WWOX: variants seen among roughly 807,000 people sequenced by gnomAD.
WWOX encodes the protein WW domain-containing oxidoreductase.
In WWOX, 69 loss-of-function variants were observed where a neutral mutation model predicts 46.2. The ratio of observed to expected loss-of-function variants is 1.49; its 90% CI spans 1.23 to 1.82. WWOX has a LOEUF of 1.82. Among genes scored for constraint, WWOX ranks in the 40% most tolerant of loss-of-function variants. The pLI, the probability that WWOX is intolerant of heterozygous loss-of-function variation, is 0.00. For missense variants in WWOX, 919 were observed against 542.6 expected, an observed-to-expected ratio of 1.69 and a Z score of -6.89; for synonymous variants, 359 against 202.6, an observed-to-expected ratio of 1.77 and a Z score of -6.56.
chr16:78,666,566 C>A (rs967158325), intron 8 of WWOX, among the ~76,000 whole-genome samples: 1 of 152,202 alleles, frequency 6.6e-6, no homozygotes, highest in Non-Finnish European at 1.5e-5. Context: ...GGGGTACTGC[C>A]TTAAGAAATA....
At chr16:78,424,778 T>C in intron 6 of WWOX, 92 bp from the exon 7 acceptor site, 2 of 1,395,830 alleles carry the variant, frequency 1.4e-6, no homozygotes, top group African/African-American at 2.9e-5. Flanking sequence ...TTGTAGTGTT[T>C]ATGTCCACAT....
chr16:78,909,057 G>A (rs941160577), intron 8 of WWOX, among the ~76,000 whole-genome samples: 5 of 152,156 alleles, frequency 3.3e-5, no homozygotes, highest in East Asian at 1.9e-4. Context: ...AAGTTAAACC[G>A]TAAACTAAGT....
intron 8 of WWOX, among the ~76,000 whole-genome samples, chr16:79,050,263 T>G (rs1567514961): frequency 6.6e-6 from 1 of 152,146 alleles, no homozygotes; most frequent in Non-Finnish European, 1.5e-5. Context: ...TCAGCTTGTT[T>G]TGCTCCTGCA....
chr16:78,365,077 T>A (rs958330279), intron 5 of WWOX, among the ~76,000 whole-genome samples: 4 of 152,178 alleles, frequency 2.6e-5, no homozygotes, highest in African/African-American at 9.7e-5. Flanking sequence ...CCAACTAGTT[T>A]ATGAGCTTAA....
chr16:79,179,648 A>G (rs1291712252), intron 8 of WWOX, among the ~76,000 whole-genome samples: 1 of 152,180 alleles, frequency 6.6e-6, no homozygotes, highest in East Asian at 1.9e-4. Flanking sequence ...CTTCCATTGT[A>G]TTTGAGCCAC....
At chr16:78,403,148 G>A (rs2082451699) in intron 6 of WWOX, among the ~76,000 whole-genome samples, 1 of 152,170 alleles carries the variant, frequency 6.6e-6, no homozygotes, top group Non-Finnish European at 1.5e-5. Context: ...TGCATGAGAT[G>A]TTTTATTTTT....
intron 8 of WWOX, among the ~76,000 whole-genome samples, chr16:78,950,518 A>G (rs1304934011): frequency 2.1e-5 from 2 of 95,590 alleles, no homozygotes; most frequent in East Asian, 6.1e-4. Flanking sequence ...TATTAAAGGA[A>G]CACACACACA....
At chr16:78,250,425 G>T (rs12924976) in intron 5 of WWOX, among the ~76,000 whole-genome samples, 2,929 of 147,270 alleles carry the variant, frequency 0.02, 38 homozygotes, top group Middle Eastern at 0.031. Flanking sequence ...TTTTTTTTTT[G>T]GCAAGATTAA....
chr16:78,299,838 A>G (rs2080008326), intron 5 of WWOX, among the ~76,000 whole-genome samples: 1 of 151,990 alleles, frequency 6.6e-6, no homozygotes, highest in African/African-American at 2.4e-5. Context: ...TGGAAATCCT[A>G]TTTCTTGTCA....
intron 8 of WWOX, among the ~76,000 whole-genome samples, chr16:78,980,964 G>A (rs1465515279): frequency 1.3e-5 from 2 of 152,112 alleles, no homozygotes; most frequent in African/African-American, 4.8e-5. Flanking sequence ...CACAGGGTTG[G>A]CCCCACAGTT....
At chr16:78,728,637 G>C (rs1043405790) in intron 8 of WWOX, among the ~76,000 whole-genome samples, 20 of 152,260 alleles carry the variant, frequency 1.3e-4, no homozygotes, top group South Asian at 6.2e-4. Flanking sequence ...CTTCTGGAAG[G>C]GTCTCAGAGA....
intron 8 of WWOX, among the ~76,000 whole-genome samples, chr16:79,149,739 G>C (rs914712627): frequency 4.6e-5 from 7 of 152,204 alleles, no homozygotes; most frequent in African/African-American, 1.7e-4. Flanking sequence ...CGCAGCCAGT[G>C]GGTTACAGCA....
chr16:78,436,847 A>G (rs1298037330), intron 8 of WWOX, among the ~76,000 whole-genome samples: 2 of 152,196 alleles, frequency 1.3e-5, no homozygotes, highest in African/African-American at 4.8e-5. Context: ...TGCTTCCGTC[A>G]GGATAATGCA....
chr16:78,854,901 A>C (rs1597725520), intron 8 of WWOX, among the ~76,000 whole-genome samples: 1 of 129,118 alleles, frequency 7.7e-6, no homozygotes, highest in African/African-American at 2.9e-5. Flanking sequence ...ATTTTTGAAC[A>C]GCAGCTTTTT....
chr16:78,571,651 T>C (rs2044718783), intron 8 of WWOX, among the ~76,000 whole-genome samples: 1 of 152,134 alleles, frequency 6.6e-6, no homozygotes, highest in African/African-American at 2.4e-5. Flanking sequence ...GGTGGATTAC[T>C]TGAGGTCAGA....
intron 3 of WWOX, among the ~76,000 whole-genome samples, chr16:78,110,487 T>C (rs933425536): frequency 1.3e-5 from 2 of 152,230 alleles, no homozygotes; most frequent in Non-Finnish European, 2.9e-5. Flanking sequence ...GTTATTATTT[T>C]GTACAGATAT....
At chr16:78,675,922 A>G (rs1031397662) in intron 8 of WWOX, among the ~76,000 whole-genome samples, 19 of 152,174 alleles carry the variant, frequency 1.2e-4, no homozygotes, top group Admixed American at 1.2e-3. Context: ...GTCATAAAGA[A>G]GTGGGAAAAA....
At chr16:78,704,188 C>T (rs540628742) in intron 8 of WWOX, among the ~76,000 whole-genome samples, 2 of 151,750 alleles carry the variant, frequency 1.3e-5, no homozygotes, top group Non-Finnish European at 2.9e-5. Context: ...ACTATGTAAC[C>T]TCTCTGAGCC....
rs191977473 is a variant in WWOX, at chr16:79,083,079, G to C, written c.1057-128529G>C. Among the ~76,000 whole-genome samples the C allele has an allele frequency of 6.6e-4, 101 of 152,260 alleles. 1 individual carries two copies. In the East Asian group the frequency reaches 0.018, roughly 27 times the overall value. The stretch of plus-strand genomic sequence containing the variant: ...CATTTTCATCTTCACTGTAAATCTA[G>C]ACAAGATAATGAATGAAGAACCTGA... On this transcript the variant is annotated intron_variant, in intron 8 of 8. Coordinates refer to ENST00000566780, the MANE Select transcript of WWOX (RefSeq NM_016373.4).
Sources: allele counts gnomAD v4.1 joint callset (sites outside exome capture counted in the v4.1 genomes callset), GRCh38; gene constraint gnomAD v4.1.1; transcripts MANE v1.5; gene names NCBI Gene and HGNC (gene_info 2026-07-23, HGNC 2026-07-21).